Variants in KAZN observed in about 807,000 individuals in gnomAD.
The protein encoded by KAZN is kazrin, periplakin interacting protein, also known as kazrin.
In KAZN, 40 loss-of-function variants were observed where a neutral mutation model predicts 87.4. The observed-to-expected ratio is 0.46, with a 90% CI of 0.36 to 0.60. The LOEUF (loss-of-function observed/expected upper bound fraction) is 0.60, where lower values mean the gene tolerates loss of function less well. Among genes scored for constraint, KAZN ranks in the 20% least tolerant of loss-of-function variants. The pLI is 0.00. For missense variants in KAZN, 898 were observed against 1,073.9 expected, an observed-to-expected ratio of 0.84 and a Z score of 2.29; for synonymous variants, 466 against 458.3, an observed-to-expected ratio of 1.02 and a Z score of -0.22.
intron 2 of KAZN, among the ~76,000 whole-genome samples, chr1:14,472,285 C>T (rs1668498786): frequency 1.3e-5 from 2 of 152,186 alleles, no homozygotes; most frequent in Non-Finnish European, 2.9e-5. Context: ...GTGTATCAGT[C>T]AGTTATGCTA....
intron 2 of KAZN, among the ~76,000 whole-genome samples, chr1:14,373,903 G>A (rs958777922): frequency 4.6e-5 from 7 of 152,146 alleles, no homozygotes; most frequent in East Asian, 1.9e-4. Context: ...TTACTTAAAC[G>A]GATCTTACAT....
At chr1:14,729,174 G>T (rs890249029) in intron 1 of KAZN, among the ~76,000 whole-genome samples, 1 of 152,190 alleles carries the variant, frequency 6.6e-6, no homozygotes, top group African/African-American at 2.4e-5. Context: ...CCCTGCCCAC[G>T]TCTAGGGCCT....
chr1:13,990,472 T>G (rs922066399), intron 1 of KAZN, among the ~76,000 whole-genome samples: 29 of 106,140 alleles, frequency 2.7e-4, no homozygotes, highest in Non-Finnish European at 1.9e-4. Context: ...TCTGGACTAG[T>G]AAAGCTAATC....
At chr1:14,132,769 T>G (rs1645018286) in intron 1 of KAZN, among the ~76,000 whole-genome samples, 1 of 152,056 alleles carries the variant, frequency 6.6e-6, no homozygotes, top group East Asian at 1.9e-4. Context: ...CCTCACATAT[T>G]AGGAGATAGT....
chr1:14,577,654 G>GTTATAGTC (rs1675274089), intron 2 of KAZN, among the ~76,000 whole-genome samples: 1 of 152,180 alleles, frequency 6.6e-6, no homozygotes, highest in African/African-American at 2.4e-5. Context: ...AACAAAGCTG[G>GTTATAGTC]TTATAGTCTT....
At chr1:14,274,855 T>C (rs912776701) in intron 2 of KAZN, among the ~76,000 whole-genome samples, 1 of 152,106 alleles carries the variant, frequency 6.6e-6, no homozygotes, top group Non-Finnish European at 1.5e-5. Flanking sequence ...TTTTTTCTTT[T>C]TTTTTGGGTC....
At chr1:14,608,849 C>T (rs1341793763) in intron 1 of KAZN, among the ~76,000 whole-genome samples, 1 of 152,236 alleles carries the variant, frequency 6.6e-6, no homozygotes, top group African/African-American at 2.4e-5. Context: ...TTGACTTAAA[C>T]ATGGTGTATT....
chr1:13,982,739 G>C (rs1638796744), intron 1 of KAZN, among the ~76,000 whole-genome samples: 1 of 152,166 alleles, frequency 6.6e-6, no homozygotes, highest in Non-Finnish European at 1.5e-5. Flanking sequence ...CAACACAAAG[G>C]TTCTCCAAGG....
chr1:14,729,339 G>T (rs150764975), intron 1 of KAZN, among the ~76,000 whole-genome samples: 1 of 152,242 alleles, frequency 6.6e-6, no homozygotes, highest in Non-Finnish European at 1.5e-5. Context: ...TATCCAAGAC[G>T]TGCACCTGGG....
At chr1:14,083,351 G>A (rs1372262517) in intron 1 of KAZN, among the ~76,000 whole-genome samples, 1 of 152,218 alleles carries the variant, frequency 6.6e-6, no homozygotes, top group Non-Finnish European at 1.5e-5. Context: ...CAATATGTGT[G>A]TTCTGGAATC....
intron 2 of KAZN, among the ~76,000 whole-genome samples, chr1:14,488,073 G>A (rs1267254780): frequency 6.6e-6 from 1 of 152,192 alleles, no homozygotes. Context: ...TGGATGCTCA[G>A]CAAGTATTCA....
chr1:13,911,114 T>C (rs764004976), intron 1 of KAZN, among the ~76,000 whole-genome samples: 1 of 152,160 alleles, frequency 6.6e-6, no homozygotes, highest in Non-Finnish European at 1.5e-5. Flanking sequence ...AATGGTGCCA[T>C]CTCAGCTCAC....
chr1:14,272,544 C>G (rs1652030069), intron 2 of KAZN, among the ~76,000 whole-genome samples: 1 of 152,108 alleles, frequency 6.6e-6, no homozygotes, highest in Non-Finnish European at 1.5e-5. Context: ...TGCCTTGCTC[C>G]AAAGAGCAAG....
Position 14,354,722 on chromosome 1 carries a change from C to G in KAZN, c.249+174130C>G, listed in dbSNP as rs72869019. On this transcript the variant is annotated intron_variant, in intron 2 of 16. Coordinates refer to the KAZN transcript ENST00000636203. ...TGACAATGCCAAATGTTGGCAAGGACCTGGATCAACTGGAACACCCATATA... is the reference window on the plus strand; with the variant it reads ...TGACAATGCCAAATGTTGGCAAGGAGCTGGATCAACTGGAACACCCATATA... Among the ~76,000 whole-genome samples, 303 of 150,906 alleles carry G rather than the reference C, an allele frequency of 2.0e-3. 1 individual carries two copies. Among genetic ancestry groups the G allele is most frequent in the African/African-American group, 7.0e-3 (287 of 41,024 alleles).
At position 15,060,221 on chromosome 1, in the gene KAZN, C is replaced by T. The variant is rs371281057; in HGVS notation, c.966C>T (p.Asp322=). The part of the protein sequence containing the change: ...CHSRQPSVIS[D]ASAAEGDRSS... Reference sequence around the variant, plus strand: ...CCCGGCAGCCCTCTGTCATCTCCGACGCATCTGCCGCCGAAGGCGACCGGT... The same window carrying T: ...CCCGGCAGCCCTCTGTCATCTCCGATGCATCTGCCGCCGAAGGCGACCGGT... Residue 322 remains aspartate (D), a synonymous_variant, in exon 6 of 15, where the codon GAC becomes GAT. Transcript: ENST00000376030. 2 of 1,614,268 alleles carry T rather than the reference C, an allele frequency of 1.2e-6. No individual in the cohort carries two copies. Among genetic ancestry groups the T allele is most frequent in the East Asian group, 2.2e-5 (1 of 44,876 alleles).
At chr1:14,272,465 A>T (rs976408608) in intron 2 of KAZN, among the ~76,000 whole-genome samples, 1 of 152,198 alleles carries the variant, frequency 6.6e-6, no homozygotes. Flanking sequence ...TCAAACTTTC[A>T]TGGGCAAAAT....
intron 1 of KAZN, among the ~76,000 whole-genome samples, chr1:14,798,125 C>A (rs1303283079): frequency 6.6e-6 from 1 of 152,126 alleles, no homozygotes; most frequent in East Asian, 1.9e-4. Flanking sequence ...CACCTCTGGG[C>A]TCCCTGTTGC....
At chr1:14,374,333 C>T (rs10803271) in intron 2 of KAZN, among the ~76,000 whole-genome samples, 38,114 of 152,078 alleles carry the variant, frequency 0.25, 5,937 homozygotes, top group African/African-American at 0.44. Context: ...CCCAAATCCT[C>T]CAAACTATCA....
intron 1 of KAZN, among the ~76,000 whole-genome samples, chr1:14,717,992 G>A (rs1642889805): frequency 6.6e-6 from 1 of 152,232 alleles, no homozygotes; most frequent in Non-Finnish European, 1.5e-5. Flanking sequence ...CATCAAGAGG[G>A]ACGCTTCCCC....
Sources: allele counts gnomAD v4.1 joint callset (sites outside exome capture counted in the v4.1 genomes callset), GRCh38; gene constraint gnomAD v4.1.1; transcripts MANE v1.5; gene names NCBI Gene and HGNC (gene_info 2026-07-23, HGNC 2026-07-21).